OPHN1: variants seen among roughly 807,000 people sequenced by gnomAD.
The protein encoded by OPHN1 is oligophrenin-1.
In OPHN1, 11 loss-of-function variants were observed where a neutral mutation model predicts 60.7. The ratio of observed to expected loss-of-function variants is 0.18; its 90% CI spans 0.11 to 0.30. The LOEUF is 0.30. Among genes scored for constraint, OPHN1 ranks in the 10% least tolerant of loss-of-function variants. The pLI is 1.00. For synonymous variants in OPHN1, 226 were observed against 222.6 expected (o/e 1.02, Z -0.14); for missense variants, 449 against 611.0 (o/e 0.73, Z 2.80).
intron 2 of OPHN1, among the ~76,000 whole-genome samples, chrX:68,333,181 T>C (rs2078304035): frequency 9.1e-6 from 1 of 109,845 alleles, no homozygotes; most frequent in Non-Finnish European, 1.9e-5. Flanking sequence ...GTAATCTTAG[T>C]ACAGGCAGGA....
At chrX:68,430,970 T>A (rs755094364) in intron 2 of OPHN1, among the ~76,000 whole-genome samples, 2 of 111,997 alleles carry the variant, frequency 1.8e-5, no homozygotes, top group Non-Finnish European at 3.8e-5. Context: ...ATGCCTTAGC[T>A]GGTGATTTTT....
chrX:68,194,475 T>C lies in OPHN1; in HGVS notation c.1128A>G (p.Lys376=), dbSNP rs1221775443. 2 of 1,208,510 alleles carry C rather than the reference T, an allele frequency of 1.7e-6. No homozygotes were observed. Among genetic ancestry groups the C allele is most frequent in the Non-Finnish European group, 2.2e-6 (2 of 892,650 alleles). Residue 376 remains lysine, a synonymous_variant, in exon 13 of 25, where the codon AAA becomes AAG. Transcript: ENST00000355520. ...KEPIYHSPIT[K]QQEMELNEVG... is the part of the protein sequence containing the mutation. The stretch of plus-strand genomic sequence containing the variant: ...ACTTAAGTGACTCACTTTCTTGCTG[T>C]TTTGTTATAGGGCTGTGGTAGATCT...
At chrX:68,229,175 G>A (rs2077713696) in intron 6 of OPHN1, among the ~76,000 whole-genome samples, 1 of 111,303 alleles carries the variant, frequency 9.0e-6, no homozygotes, top group Admixed American at 9.6e-5. Context: ...GCTTCAAAGA[G>A]AAGAAAATAC....
At chrX:68,139,752 C>A (rs765146414) in intron 15 of OPHN1, among the ~76,000 whole-genome samples, 1 of 112,262 alleles carries the variant, frequency 8.9e-6, no homozygotes, top group South Asian at 3.7e-4. Context: ...AAGTTCAATG[C>A]GGGCAAGGCC....
At chrX:68,059,175 G>A (rs962012149) in intron 21 of OPHN1, among the ~76,000 whole-genome samples, 5 of 111,594 alleles carry the variant, frequency 4.5e-5, no homozygotes, top group Non-Finnish European at 9.4e-5. Flanking sequence ...TCCGAAACCT[G>A]GCTTTTACTA....
chrX:68,168,975 A>G (rs781126891), intron 15 of OPHN1, among the ~76,000 whole-genome samples: 1 of 111,706 alleles, frequency 9.0e-6, no homozygotes, highest in Admixed American at 9.5e-5. Flanking sequence ...CTCTCTGAAT[A>G]GACCAATAAC....
Position 68,322,120 on chromosome X carries a change from A to G in OPHN1, c.155-23024T>C, listed in dbSNP as rs982908735. 7.3e-5 allele frequency among the ~76,000 whole-genome samples: 8 copies of G among 110,275 alleles called. No homozygotes were observed. In the South Asian group the frequency reaches 3.1e-3, roughly 43 times the overall value. On this transcript the variant is annotated intron_variant, in intron 2 of 24. Coordinates refer to ENST00000355520, the MANE Select transcript of OPHN1 (RefSeq NM_002547.3). Reference sequence around the variant, plus strand: ...ACAGTAGTTGGGACTACATGTGTACATCACTGGACCCAGCTAATTTTTTGT... The same window carrying G: ...ACAGTAGTTGGGACTACATGTGTACGTCACTGGACCCAGCTAATTTTTTGT...
intron 15 of OPHN1, among the ~76,000 whole-genome samples, chrX:68,130,546 T>C (rs1223574400): frequency 9.0e-6 from 1 of 111,543 alleles, no homozygotes; most frequent in Non-Finnish European, 1.9e-5. Flanking sequence ...TCATAGTATA[T>C]AGCCATTAAA....
chrX:68,103,433 C>T (rs914136030), intron 18 of OPHN1, among the ~76,000 whole-genome samples: 1 of 111,854 alleles, frequency 8.9e-6, no homozygotes, highest in East Asian at 2.8e-4. Flanking sequence ...AGTGAATGGG[C>T]AAAAGCTGGA....
At chrX:68,270,800 G>A (rs1301258745) in intron 5 of OPHN1, among the ~76,000 whole-genome samples, 8 of 111,220 alleles carry the variant, frequency 7.2e-5, no homozygotes, top group African/African-American at 2.6e-4. Flanking sequence ...TTTGTCCATT[G>A]TTCTTGTTGT....
intron 2 of OPHN1, among the ~76,000 whole-genome samples, chrX:68,363,255 AT>A (rs1478620521): frequency 1.8e-5 from 2 of 110,756 alleles, no homozygotes; most frequent in African/African-American, 6.5e-5. Flanking sequence ...TCAAAGACAA[AT>A]TTTTTTAAAA....
chrX:68,208,825 AG>A (rs759510856), intron 9 of OPHN1, among the ~76,000 whole-genome samples: 12 of 111,973 alleles, frequency 1.1e-4, no homozygotes, highest in Non-Finnish European at 3.8e-5. Context: ...ATGAGCACAA[AG>A]TGAGGAGGCC....
At chrX:68,249,008 G>T (rs1007397717) in intron 5 of OPHN1, among the ~76,000 whole-genome samples, 1 of 111,502 alleles carries the variant, frequency 9.0e-6, no homozygotes, top group Non-Finnish European at 1.9e-5. Context: ...AAATTAGAAC[G>T]AATGAATAAG....
At chrX:68,201,965 G>T (rs772762289) in intron 10 of OPHN1, among the ~76,000 whole-genome samples, 2 of 111,988 alleles carry the variant, frequency 1.8e-5, no homozygotes, top group African/African-American at 6.5e-5. Context: ...TTCCCAAGAC[G>T]GAAGACTTAA....
intron 6 of OPHN1, among the ~76,000 whole-genome samples, chrX:68,228,162 A>G (rs774672824): frequency 8.9e-6 from 1 of 112,014 alleles, no homozygotes; most frequent in East Asian, 2.8e-4. Flanking sequence ...AATCTAGAAG[A>G]AATGATAAAT....
chrX:68,425,920 T>C (rs928923752), intron 2 of OPHN1, among the ~76,000 whole-genome samples: 6 of 100,053 alleles, frequency 6.0e-5, no homozygotes, highest in Admixed American at 2.3e-4. Flanking sequence ...CCTCTCTGCC[T>C]CCAGGGCTCA....
chrX:68,144,374 G>T (rs754108983), intron 15 of OPHN1, among the ~76,000 whole-genome samples: 5 of 110,413 alleles, frequency 4.5e-5, no homozygotes, highest in Admixed American at 3.9e-4. Flanking sequence ...ATAAAGGGTA[G>T]CAGTGATAGA....
At chrX:68,112,372 T>G in intron 17 of OPHN1, 1 of 124,387 alleles carries the variant, frequency 8.0e-6, no homozygotes. Flanking sequence ...CAGCAGGTTG[T>G]TCCTGAAGTC....
At chrX:68,384,243 T>A (rs1898013923) in intron 2 of OPHN1, among the ~76,000 whole-genome samples, 1 of 111,548 alleles carries the variant, frequency 9.0e-6, no homozygotes, top group Non-Finnish European at 1.9e-5. Flanking sequence ...ATAGCAGACA[T>A]TCAACAAATT....
Sources: allele counts gnomAD v4.1 joint callset (sites outside exome capture counted in the v4.1 genomes callset), GRCh38; gene constraint gnomAD v4.1.1; transcripts MANE v1.5; gene names NCBI Gene and HGNC (gene_info 2026-07-23, HGNC 2026-07-21).